SAMD3: variants seen among roughly 807,000 people sequenced by gnomAD.
The protein encoded by SAMD3 is sterile alpha motif domain containing 3.
Under a neutral mutation model 58.5 loss-of-function variants are expected in SAMD3, and 63 were observed. The observed-to-expected ratio is 1.08, with a 90% CI of 0.88 to 1.33. The LOEUF is 1.33. SAMD3 is among the 40% of genes most tolerant of loss of function. SAMD3 has a pLI of 0.00. For missense variants in SAMD3, 604 were observed against 608.4 expected (o/e 0.99, Z 0.08); for synonymous variants, 220 against 210.3 (o/e 1.05, Z -0.40).
chr6:130,190,312 G>A (rs538990576), intron 5 of SAMD3, among the ~76,000 whole-genome samples: 21 of 62,204 alleles, frequency 3.4e-4, no homozygotes, highest in Non-Finnish European at 5.9e-4. Flanking sequence ...ATTATGTAAC[G>A]TACAAAAAAA....
intron 5 of SAMD3, among the ~76,000 whole-genome samples, chr6:130,196,107 C>T (rs1337191832): frequency 1.3e-5 from 2 of 152,124 alleles, no homozygotes; most frequent in African/African-American, 4.8e-5. Context: ...ACTGGGATCG[C>T]GTCCTGTAGC....
intron 1 of SAMD3, among the ~76,000 whole-genome samples, chr6:130,362,643 G>T (rs952567939): frequency 1.3e-5 from 2 of 152,104 alleles, no homozygotes; most frequent in Non-Finnish European, 2.9e-5. Flanking sequence ...CAGGCAAAAA[G>T]AATCTAATCA....
intron 2 of SAMD3, among the ~76,000 whole-genome samples, chr6:130,288,877 T>G (rs1262029920): frequency 1.3e-5 from 2 of 152,222 alleles, no homozygotes; most frequent in Non-Finnish European, 2.9e-5. Flanking sequence ...ACAACACAGC[T>G]ATTTCACTCT....
In SAMD3 at chr6:130,199,472, G is replaced by T. The variant is rs180766940; in HGVS notation, c.383+10023C>A. ...GGGGAGGCTTAGATATCTGTTTAAA[G>T]AATTTGCTGTCATTTTATCCTAGGA... is the stretch of plus-strand genomic sequence containing the variant. On this transcript the variant is annotated intron_variant, in intron 5 of 11. Transcript: ENST00000439090. 4.8e-4 allele frequency among the ~76,000 whole-genome samples: 73 copies of T among 152,330 alleles called. 1 individual carries two copies. Among genetic ancestry groups the T allele is most frequent in the Admixed American group, 4.7e-3 (72 of 15,304 alleles).
chr6:130,256,177 G>C (rs1773921558), intron 2 of SAMD3, among the ~76,000 whole-genome samples: 2 of 151,370 alleles, frequency 1.3e-5, no homozygotes, highest in Non-Finnish European at 2.9e-5. Context: ...AGATAGAAAG[G>C]GTTTGGACTC....
At chr6:130,270,267 A>C (rs1186449634) in intron 2 of SAMD3, among the ~76,000 whole-genome samples, 1 of 152,164 alleles carries the variant, frequency 6.6e-6, no homozygotes, top group South Asian at 2.1e-4. Context: ...TAACTTTTGT[A>C]TTTTTAGTAG....
chr6:130,209,516 T>C lies in SAMD3; in HGVS notation c.362A>G (p.Asp121Gly). ...CCACCTCTGTTTCAATACTCTTTGGTCAATTAGTCCATTATCAAGGTTTTC... is the reference window on the plus strand; with the variant it reads ...CCACCTCTGTTTCAATACTCTTTGGCCAATTAGTCCATTATCAAGGTTTTC... ...PAENLDNGLIDQRVLKQRRNV... is the reference protein window; with the variant it reads ...PAENLDNGLIGQRVLKQRRNV... The change falls in exon 5 of 12, where the codon GAC becomes GGC. Residue 121 changes from aspartate to glycine, a missense_variant. Physicochemically the swap from Asp to Gly is moderately conservative, Grantham distance 94. Coordinates refer to ENST00000439090, the MANE Select transcript of SAMD3 (RefSeq NM_001017373.4). The C allele has an allele frequency of 6.2e-7, 1 of 1,610,588 alleles. No homozygotes were observed. The highest frequency in any genetic ancestry group is 8.5e-7 in the Non-Finnish European group (1 of 1,176,872).
At position 130,146,000 on chromosome 6, in the gene SAMD3, G is replaced by A. The variant is rs1168258999; in HGVS notation, c.1195+10C>T. The A allele has an allele frequency of 6.8e-7, 1 of 1,472,090 alleles. No homozygotes were observed. The highest frequency in any genetic ancestry group is 9.0e-7 in the Non-Finnish European group (1 of 1,107,856). The allele number at this position is 1,472,090 out of a possible 1,614,324, so 91.2% of individuals were successfully genotyped here. A position where few individuals can be genotyped will look rare whatever the true frequency, so the allele number is the denominator to read the frequency against. ...AGATGAAATCACACCACTCCATAAG[G>A]TTTACTAACATTTCAACATGTCTTC... On this transcript the variant is annotated intron_variant, in intron 10 of 11. Transcript: ENST00000439090.
At chr6:130,252,331 G>T (rs1451896607) in intron 2 of SAMD3, among the ~76,000 whole-genome samples, 1 of 152,032 alleles carries the variant, frequency 6.6e-6, no homozygotes, top group Non-Finnish European at 1.5e-5. Flanking sequence ...TATAATTAGA[G>T]TAAGCTTTTT....
At chr6:130,353,002 G>C (rs1198565407) in intron 1 of SAMD3, among the ~76,000 whole-genome samples, 1 of 152,056 alleles carries the variant, frequency 6.6e-6, no homozygotes, top group Non-Finnish European at 1.5e-5. Flanking sequence ...AATACTTCTT[G>C]TTCCTTTCTT....
intron 8 of SAMD3, among the ~76,000 whole-genome samples, chr6:130,162,516 T>A (rs9492467): frequency 0.85 from 129,975 of 152,074 alleles, 56,113 homozygotes; most frequent in East Asian, 0.98. Context: ...TTTAAAAAAA[T>A]TTTTTTAAGA....
At chr6:130,213,321 T>G (rs886707353) in intron 4 of SAMD3, among the ~76,000 whole-genome samples, 15 of 151,434 alleles carry the variant, frequency 9.9e-5, no homozygotes, top group Non-Finnish European at 2.2e-4. Flanking sequence ...AGCTTTTTTT[T>G]TTTTAAAAAA....
At chr6:130,258,521 C>T (rs1304906054) in intron 2 of SAMD3, among the ~76,000 whole-genome samples, 2 of 152,140 alleles carry the variant, frequency 1.3e-5, no homozygotes, top group East Asian at 3.8e-4. Context: ...ATCGGACACA[C>T]ATATTTAAAG....
At chr6:130,296,653 C>T (rs1358427450) in intron 2 of SAMD3, among the ~76,000 whole-genome samples, 1 of 152,122 alleles carries the variant, frequency 6.6e-6, no homozygotes, top group Non-Finnish European at 1.5e-5. Flanking sequence ...GTACAAAGCC[C>T]AACTCCCCAT....
At chr6:130,216,980 C>T (rs150481116) in intron 1 of SAMD3, among the ~76,000 whole-genome samples, 59 of 152,220 alleles carry the variant, frequency 3.9e-4, no homozygotes, top group Middle Eastern at 3.4e-3. Context: ...AAGATACTGC[C>T]TTGTAGTCAT....
At chr6:130,219,838 A>T (rs1455016225) in intron 1 of SAMD3, among the ~76,000 whole-genome samples, 1 of 152,190 alleles carries the variant, frequency 6.6e-6, no homozygotes, top group Non-Finnish European at 1.5e-5. Flanking sequence ...CTATGGCTTA[A>T]GTTATTAAAA....
At chr6:130,352,345 C>G (rs1367750114) in intron 1 of SAMD3, among the ~76,000 whole-genome samples, 1 of 152,104 alleles carries the variant, frequency 6.6e-6, no homozygotes, top group Admixed American at 6.6e-5. Flanking sequence ...ATTATTTCAG[C>G]AGTTTTTCTC....
chr6:130,183,685 C>G (rs757671611), intron 7 of SAMD3, among the ~76,000 whole-genome samples: 2 of 152,298 alleles, frequency 1.3e-5, no homozygotes, highest in South Asian at 4.1e-4. Flanking sequence ...CAGCCCTAGG[C>G]AACTCCTGAT....
chr6:130,197,970 G>A (rs1305438150), intron 5 of SAMD3, among the ~76,000 whole-genome samples: 1 of 152,048 alleles, frequency 6.6e-6, no homozygotes, highest in African/African-American at 2.4e-5. Flanking sequence ...ACATTGTCTT[G>A]CGAAATTCCT....
Sources: allele counts gnomAD v4.1 joint callset (sites outside exome capture counted in the v4.1 genomes callset), GRCh38; gene constraint gnomAD v4.1.1; transcripts MANE v1.5; gene names NCBI Gene and HGNC (gene_info 2026-07-23, HGNC 2026-07-21).